The following TOM1L1 variants were observed in gnomAD, a reference collection of about 807,000 sequenced individuals.
The protein encoded by TOM1L1 is target of myb1 like 1 membrane trafficking protein.
Under a neutral mutation model 63.4 loss-of-function variants are expected in TOM1L1, and 64 were observed. The ratio of observed to expected loss-of-function variants is 1.01; its 90% CI spans 0.83 to 1.24. The LOEUF (loss-of-function observed/expected upper bound fraction) is 1.24. TOM1L1 is among the 50% of genes most tolerant of loss of function. The probability of loss-of-function intolerance (pLI) is 0.00; values close to 1 mark genes in which losing one functional copy is unlikely to be tolerated. For missense variants in TOM1L1, 536 were observed against 567.0 expected (o/e 0.95, Z 0.55); for synonymous variants, 166 against 194.4 (o/e 0.85, Z 1.22).
intron 7 of TOM1L1, among the ~76,000 whole-genome samples, chr17:54,918,672 A>G (rs2048631651): frequency 6.6e-6 from 1 of 152,196 alleles, no homozygotes; most frequent in Non-Finnish European, 1.5e-5. Flanking sequence ...GAAGCAAGAC[A>G]AGACTCTAGA....
chr17:54,920,393 C>T (rs545089184), intron 7 of TOM1L1, among the ~76,000 whole-genome samples: 3 of 152,202 alleles, frequency 2.0e-5, no homozygotes, highest in Non-Finnish European at 2.9e-5. Flanking sequence ...CCAAAATTTA[C>T]ATCCTCTTTC....
chr17:54,903,491 A>T (rs1224656141), intron 1 of TOM1L1, among the ~76,000 whole-genome samples: 1 of 152,216 alleles, frequency 6.6e-6, no homozygotes, highest in Non-Finnish European at 1.5e-5. Context: ...TGAGGTCTTT[A>T]TTAATAGGTC....
chr17:54,956,872 C>G (rs1334778338), intron 14 of TOM1L1: 1 of 152,150 alleles, frequency 6.6e-6, no homozygotes, highest in Non-Finnish European at 1.5e-5. Context: ...TATGTCGTTG[C>G]ATGGAAAGGG....
At chr17:54,947,075 A>C (rs2049131849) in intron 11 of TOM1L1, among the ~76,000 whole-genome samples, 186 bp from the exon 12 acceptor site, 1 of 152,148 alleles carries the variant, frequency 6.6e-6, no homozygotes, top group Non-Finnish European at 1.5e-5. Context: ...GGCTCCCACC[A>C]CCCATGGCAT....
At chr17:54,919,374 T>G (rs189578179) in intron 7 of TOM1L1, among the ~76,000 whole-genome samples, 1 of 152,356 alleles carries the variant, frequency 6.6e-6, no homozygotes, top group Admixed American at 6.5e-5. Context: ...AAATGATTTA[T>G]GACTTTTTCT....
intron 14 of TOM1L1, chr17:54,952,861 T>C (rs1365605851): frequency 2.0e-5 from 3 of 152,158 alleles, no homozygotes; most frequent in Admixed American, 6.5e-5. Context: ...TTTAGAGAAA[T>C]TGTGGCTCCA....
rs144467464 is a variant in TOM1L1 at position 54,935,152 on chromosome 17, G to C, written c.855-1497G>C. Among the ~76,000 whole-genome samples the C allele has an allele frequency of 4.4e-3, 673 of 152,274 alleles. 2 individuals are homozygous for C. The highest frequency in any genetic ancestry group is 7.4e-3 in the Non-Finnish European group (500 of 68,016). ...CTGTTTATTTCACCTGGGTGCAGGG[G>C]GGCTGAGTCCAAAAAATGAGTCAGC... On this transcript the variant is annotated intron_variant, in intron 8 of 15. Transcript: ENST00000575882.
At chr17:54,906,409 C>T (rs1334475018) in intron 3 of TOM1L1, among the ~76,000 whole-genome samples, 1 of 148,564 alleles carries the variant, frequency 6.7e-6, no homozygotes, top group African/African-American at 2.5e-5. Flanking sequence ...GTGGAGATTG[C>T]GGTGAGTCGA....
chr17:54,904,961 A>G (rs1187733360), intron 2 of TOM1L1, among the ~76,000 whole-genome samples: 3 of 152,244 alleles, frequency 2.0e-5, no homozygotes, highest in Admixed American at 6.5e-5. Context: ...CATTGATAAT[A>G]CCAATTCATT....
rs544586592 is a variant in TOM1L1, at chr17:54,902,930, G to A, written c.59-778G>A. On this transcript the variant is annotated intron_variant, in intron 1 of 15. Transcript: ENST00000575882. ...TTTAGATGCTTATTATTATTAGTTC[G>A]GATAGTTATCCAGCGCCAGTTTGAA... is the stretch of plus-strand genomic sequence containing the variant. Among the ~76,000 whole-genome samples, 4 of 152,266 alleles carry A rather than the reference G, an allele frequency of 2.6e-5. No homozygotes were observed. In the East Asian group the frequency reaches 7.7e-4, roughly 29 times the overall value.
chr17:54,945,170 A>C (rs2049096582), intron 11 of TOM1L1, among the ~76,000 whole-genome samples: 1 of 152,008 alleles, frequency 6.6e-6, no homozygotes, highest in African/African-American at 2.4e-5. Flanking sequence ...TTTTTCCTGT[A>C]TGTGTCCCAA....
intron 8 of TOM1L1, among the ~76,000 whole-genome samples, chr17:54,933,699 T>C (rs1326613924): frequency 6.6e-6 from 1 of 152,160 alleles, no homozygotes; most frequent in African/African-American, 2.4e-5. Context: ...ATTTTTGTAT[T>C]TTTAGTAGAG....
chr17:54,931,274 T>G (rs2048854016), intron 8 of TOM1L1, among the ~76,000 whole-genome samples: 1 of 152,192 alleles, frequency 6.6e-6, no homozygotes, highest in African/African-American at 2.4e-5. Flanking sequence ...TTCTTATTTT[T>G]TTGATGTATT....
chr17:54,919,946 G>T (rs889450897), intron 7 of TOM1L1, among the ~76,000 whole-genome samples: 1 of 151,944 alleles, frequency 6.6e-6, no homozygotes, highest in Non-Finnish European at 1.5e-5. Context: ...GGGAAATAGA[G>T]AATTCTTTTT....
At chr17:54,921,269 AT>A (rs2048678825) in intron 7 of TOM1L1, among the ~76,000 whole-genome samples, 1 of 152,150 alleles carries the variant, frequency 6.6e-6, no homozygotes, top group Non-Finnish European at 1.5e-5. Flanking sequence ...AATATTTTTA[AT>A]ATCTAGCATT....
chr17:54,953,100 C>T (rs12937006), intron 14 of TOM1L1: 31,803 of 152,262 alleles, frequency 0.21, 3,898 homozygotes, highest in Non-Finnish European at 0.27. Context: ...AGCTGGTGGC[C>T]GGGAGCAGTG....
intron 7 of TOM1L1, among the ~76,000 whole-genome samples, chr17:54,928,797 A>T (rs927746139): frequency 1.3e-5 from 2 of 152,146 alleles, no homozygotes; most frequent in Non-Finnish European, 2.9e-5. Flanking sequence ...AAAGTCTATC[A>T]TCTGTCTGAC....
At chr17:54,925,158 T>C (rs1567828543) in intron 7 of TOM1L1, among the ~76,000 whole-genome samples, 1 of 152,240 alleles carries the variant, frequency 6.6e-6, no homozygotes, top group Non-Finnish European at 1.5e-5. Context: ...TAAGATGTTA[T>C]AAAGTTCAGG....
chr17:54,930,102 G>A lies in TOM1L1; in HGVS notation c.750G>A (p.Gln250=). ...TCTATAAAACAGGTCGGGAGATGCA[G>A]GAGAGGATCATGGACCTGCTTGTGG... is the stretch of plus-strand genomic sequence containing the variant. ...QKLYKTGREM[Q]ERIMDLLVVV... is the part of the protein sequence containing the mutation. Residue 250 remains glutamine (Q), a synonymous_variant, in exon 8 of 16, where the codon CAG becomes CAA. Coordinates refer to ENST00000575882, the MANE Select transcript of TOM1L1 (RefSeq NM_005486.3). 6.2e-7 allele frequency: 1 copy of A among 1,614,150 alleles called. No homozygotes were observed. The highest frequency in any genetic ancestry group is 1.3e-5 in the African/African-American group (1 of 75,040).
Sources: gnomAD v4.1 joint callset for allele counts (sites outside exome capture counted in the v4.1 genomes callset) on GRCh38, gnomAD v4.1.1 for gene constraint, MANE v1.5 for transcripts, NCBI Gene and HGNC (gene_info 2026-07-23, HGNC 2026-07-21) for gene names.